Variants in LARP4B observed in about 807,000 individuals in gnomAD.
LARP4B encodes the protein la-related protein 4B.
A neutral mutation model predicts 89.8 loss-of-function variants in LARP4B; 12 were observed. The observed-to-expected ratio is 0.13, with a 90% CI of 0.09 to 0.22. The LOEUF (loss-of-function observed/expected upper bound fraction) is 0.22, where lower values mean the gene tolerates loss of function less well. Among genes scored for constraint, LARP4B ranks in the 10% least tolerant of loss-of-function variants. LARP4B has a pLI of 1.00. For missense variants in LARP4B, 757 were observed against 947.7 expected (o/e 0.80, Z 2.64); for synonymous variants, 367 against 363.3 (o/e 1.01, Z -0.12).
chr10:929,023 C>G lies in LARP4B; in HGVS notation c.-40+2405G>C, dbSNP rs561939415. On this transcript the variant is annotated intron_variant, in intron 1 of 17. Transcript: ENST00000316157. The stretch of plus-strand genomic sequence containing the variant: ...AAATCTCACTTTTAAAAATGGCAAT[C>G]TTCCCGAACATTAAACCAAATTACA... Among the ~76,000 whole-genome samples, 39 of 152,320 alleles carry G rather than the reference C, an allele frequency of 2.6e-4. 1 individual carries two copies. The highest frequency in any genetic ancestry group is 4.6e-4 in the Non-Finnish European group (31 of 68,040).
the LARP4B span, among the ~76,000 whole-genome samples, chr10:959,838 C>A: frequency 7.9e-6 from 1 of 126,364 alleles, no homozygotes; most frequent in Non-Finnish European, 1.7e-5. Flanking sequence ...ACCTCCTCGT[C>A]ATTCCCACCT....
chr10:940,489 A>G, the LARP4B span, among the ~76,000 whole-genome samples: 33,622 of 152,156 alleles, frequency 0.22, 4,568 homozygotes, highest in African/African-American at 0.38. Context: ...GCGTTTTGCC[A>G]TGTTAGCCAG....
chr10:816,332 C>T (rs770261100), intron 15 of LARP4B, among the ~76,000 whole-genome samples: 4 of 152,352 alleles, frequency 2.6e-5, no homozygotes, highest in Admixed American at 6.5e-5. Context: ...GTGACCATCA[C>T]GAGCTCCATG....
Position 814,643 on chromosome 10 carries a change from A to G in LARP4B, c.1929+99T>C. 1 of 1,550,804 alleles carries G rather than the reference A, an allele frequency of 6.4e-7. No individual in the cohort carries two copies. Among genetic ancestry groups the G allele is most frequent in the East Asian group, 2.4e-5 (1 of 40,894 alleles). On this transcript the variant is annotated intron_variant, in intron 17 of 17. Coordinates refer to ENST00000316157, the MANE Select transcript of LARP4B (RefSeq NM_015155.3). This position sits in a 1 kb window ranked among gnomAD's most constrained non-coding sequence, Gnocchi z 4.4. ...GACGCAAATAAAAACCCACCAAATT[A>G]GATGTGATTAAAAAACGAGCAGGTG...
the LARP4B span, among the ~76,000 whole-genome samples, chr10:944,557 GC>G: frequency 6.6e-6 from 1 of 152,212 alleles, no homozygotes; most frequent in Non-Finnish European, 1.5e-5. Flanking sequence ...TAGCCTATGT[GC>G]CTGCCACTCA....
At chr10:887,599 T>A (rs1438320836) in intron 1 of LARP4B, among the ~76,000 whole-genome samples, 2 of 151,458 alleles carry the variant, frequency 1.3e-5, no homozygotes, top group African/African-American at 4.9e-5. Context: ...TAGTCCCAGC[T>A]ACTTGGGAGG....
the LARP4B span, among the ~76,000 whole-genome samples, chr10:974,090 T>C: frequency 6.6e-6 from 1 of 151,972 alleles, no homozygotes; most frequent in Non-Finnish European, 1.5e-5. Context: ...ACCTGGGGAG[T>C]GAGCCTGCTT....
At chr10:921,825 C>T (rs1195443924) in intron 1 of LARP4B, among the ~76,000 whole-genome samples, 2 of 152,148 alleles carry the variant, frequency 1.3e-5, no homozygotes, top group Non-Finnish European at 2.9e-5. Context: ...TTAAATTCAT[C>T]GGTGTGTACA....
Position 825,231 on chromosome 10 carries a change from A to G in LARP4B, c.1318T>C (p.Phe440Leu), listed in dbSNP as rs1473154004. The G allele has an allele frequency of 2.5e-6, 4 of 1,614,074 alleles. No individual in the cohort carries two copies. The change falls in exon 13 of 18, where the codon TTC becomes CTC. Residue 440 changes from phenylalanine (F) to leucine (L), a missense_variant. Physicochemically the swap from Phe to Leu is conservative, Grantham distance 22 (BLOSUM62 0). Transcript: ENST00000316157. The part of the protein sequence containing the change: ...GLLESPSIFN[F>L]TADRLINGVR... ...CCATTAATTAATCGATCTGCAGTGA[A>G]GTTAAATATTGAAGGACTTTCTAAT...
intron 1 of LARP4B, among the ~76,000 whole-genome samples, chr10:915,654 A>C (rs1305265790): frequency 6.6e-6 from 1 of 151,886 alleles, no homozygotes; most frequent in Non-Finnish European, 1.5e-5. Context: ...AATACAAACA[A>C]TTAGCTGGAT....
In LARP4B at chr10:871,992, G is replaced by A. The variant is rs180870449; in HGVS notation, c.142-7722C>T. Among the ~76,000 whole-genome samples the A allele has an allele frequency of 3.9e-5, 6 of 152,238 alleles. No individual in the cohort carries two copies. The East Asian group carries it at 5.8e-4, about 15-fold the overall frequency. ...CCAGGTGAATGTGCAGTGTCAGTAC[G>A]GAAGCCACCAGGTGGATGATCCATC... is the stretch of plus-strand genomic sequence containing the variant. On this transcript the variant is annotated intron_variant, in intron 3 of 17. Transcript: ENST00000316157.
At chr10:929,230 C>A (rs535543427) in intron 1 of LARP4B, among the ~76,000 whole-genome samples, 1 of 150,428 alleles carries the variant, frequency 6.6e-6, no homozygotes, top group Non-Finnish European at 1.5e-5. Context: ...CCAAAAAAAA[C>A]AAAACAAAAA....
At chr10:820,576 T>G (rs558959700) in intron 14 of LARP4B, 1 of 532,486 alleles carries the variant, frequency 1.9e-6, no homozygotes, top group East Asian at 3.2e-5. Flanking sequence ...AACACGCCTG[T>G]GCACTGTGGA....
the LARP4B span, chr10:942,150 T>C: frequency 6.6e-6 from 1 of 152,214 alleles, no homozygotes; most frequent in Admixed American, 6.5e-5. Context: ...CATTTTCATG[T>C]TTGTTAGCTA....
chr10:877,382 A>AT (rs1835500088), intron 3 of LARP4B, among the ~76,000 whole-genome samples: 1 of 81,822 alleles, frequency 1.2e-5, no homozygotes, highest in Non-Finnish European at 2.4e-5. Flanking sequence ...CCCTGTCTCT[A>AT]AAAAAACAAA....
At position 845,031 on chromosome 10, in the gene LARP4B, C is replaced by T; in HGVS notation, c.455G>A (p.Ser152Asn). 1 of 1,610,926 alleles carries T rather than the reference C, an allele frequency of 6.2e-7. No homozygotes were observed. Among genetic ancestry groups the T allele is most frequent in the Non-Finnish European group, 8.5e-7 (1 of 1,179,480 alleles). ...AAGTACTTCTCGGGGGTCTTCCTGGCTGTCTGGTTGAGACTCATTTCCTCC... is the reference window on the plus strand; with the variant it reads ...AAGTACTTCTCGGGGGTCTTCCTGGTTGTCTGGTTGAGACTCATTTCCTCC... ...ETGGNESQPD[S>N]QEDPREVLKK... Residue 152 changes from serine to asparagine, a missense_variant, in exon 6 of 18, where the codon AGC becomes AAC. Physicochemically the swap from Ser to Asn is conservative, Grantham distance 46 (BLOSUM62 1). Transcript: ENST00000316157.
the LARP4B span, among the ~76,000 whole-genome samples, chr10:945,467 A>C: frequency 2.6e-5 from 4 of 151,710 alleles, no homozygotes; most frequent in Non-Finnish European, 5.9e-5. Flanking sequence ...CGGGTGGATC[A>C]CAAGGTCAGG....
chr10:960,237 A>AG, the LARP4B span, among the ~76,000 whole-genome samples: 1 of 152,064 alleles, frequency 6.6e-6, no homozygotes, highest in Non-Finnish European at 1.5e-5. Context: ...GGGTTGACAG[A>AG]GGGGGAGGGA....
the LARP4B span, among the ~76,000 whole-genome samples, chr10:977,551 A>T: frequency 2.6e-5 from 4 of 152,124 alleles, no homozygotes; most frequent in East Asian, 5.8e-4. Flanking sequence ...TCTCAGAAAA[A>T]AAAAAAAAAG....
Sources: allele counts gnomAD v4.1 joint callset (sites outside exome capture counted in the v4.1 genomes callset), GRCh38; gene constraint gnomAD v4.1.1; non-coding constraint Gnocchi (gnomAD v3.1); transcripts MANE v1.5; gene names NCBI Gene and HGNC (gene_info 2026-07-23, HGNC 2026-07-21).